NUP210L: variants seen among roughly 807,000 people sequenced by gnomAD.
The protein encoded by NUP210L is nucleoporin 210 like.
Under a neutral mutation model 208.5 loss-of-function variants are expected in NUP210L, and 74 were observed. The observed-to-expected ratio is 0.35, with a 90% CI of 0.29 to 0.43. NUP210L has a LOEUF of 0.43. Ranked by LOEUF, NUP210L falls within the 20% of genes least tolerant of loss-of-function variation. The pLI, the probability that NUP210L is intolerant of heterozygous loss-of-function variation, is 1.00. For synonymous variants in NUP210L, 780 were observed against 816.9 expected, an observed-to-expected ratio of 0.95 and a Z score of 0.77; for missense variants, 1,843 against 2,289.4, an observed-to-expected ratio of 0.81 and a Z score of 3.98.
chr1:153,998,026 G>C (rs1479357421), intron 37 of NUP210L, among the ~76,000 whole-genome samples: 1 of 151,960 alleles, frequency 6.6e-6, no homozygotes. Context: ...TAATTTTTAA[G>C]AGAAATATTT....
At chr1:154,111,965 T>C (rs12031080) in intron 12 of NUP210L, among the ~76,000 whole-genome samples, 39,202 of 151,362 alleles carry the variant, frequency 0.26, 5,758 homozygotes, top group Admixed American at 0.37. Context: ...TCTCACTCTG[T>C]TGCCCAGGCT....
At chr1:154,045,984 C>T (rs1653152771) in intron 27 of NUP210L, 85 bp downstream of exon 27, 6 of 1,333,308 alleles carry the variant, frequency 4.5e-6, no homozygotes, top group Admixed American at 5.1e-5. Flanking sequence ...GACCTCATCT[C>T]AAAACAAAAA....
chr1:153,993,279 G>GAA (rs1387115069), intron 38 of NUP210L, among the ~76,000 whole-genome samples, 190 bp from the exon 39 acceptor site: 1 of 152,136 alleles, frequency 6.6e-6, no homozygotes, highest in African/African-American at 2.4e-5. Flanking sequence ...CTGAAAGGGG[G>GAA]AAAATGGCCG....
At chr1:154,113,236 A>G (rs1391583229) in intron 12 of NUP210L, among the ~76,000 whole-genome samples, 1 of 148,878 alleles carries the variant, frequency 6.7e-6, no homozygotes, top group Non-Finnish European at 1.5e-5. Context: ...ATATTTACAT[A>G]CACATGAACA....
At chr1:154,012,728 G>A (rs73010778) in intron 33 of NUP210L, among the ~76,000 whole-genome samples, 7,530 of 151,184 alleles carry the variant, frequency 0.05, 628 homozygotes, top group African/African-American at 0.17. Flanking sequence ...GGGGTCAGCC[G>A]CGCGCGGTGG....
chr1:154,086,504 T>C (rs1011630912), intron 16 of NUP210L, among the ~76,000 whole-genome samples: 16 of 152,178 alleles, frequency 1.1e-4, no homozygotes, highest in African/African-American at 3.9e-4. Flanking sequence ...CTTTTGTGCT[T>C]CAAAAGATGT....
At chr1:154,087,320 CAA>C (rs1185085313) in intron 16 of NUP210L, among the ~76,000 whole-genome samples, 25 of 59,714 alleles carry the variant, frequency 4.2e-4, no homozygotes, top group East Asian at 1.8e-3. Flanking sequence ...AGCTCCATCT[CAA>C]AAAAAAAAAA....
At chr1:154,040,450 AAGG>A (rs1237416448) in intron 27 of NUP210L, among the ~76,000 whole-genome samples, 1 of 151,888 alleles carries the variant, frequency 6.6e-6, no homozygotes, top group African/African-American at 2.4e-5. Flanking sequence ...AGCAGAAGAG[AAGG>A]AGGAGGAGAA....
At chr1:154,124,046 G>A (rs573720011) in intron 10 of NUP210L, among the ~76,000 whole-genome samples, 69 of 151,500 alleles carry the variant, frequency 4.6e-4, no homozygotes, top group Admixed American at 2.2e-3. Context: ...AATTAGCCGG[G>A]CGTGGTGGCA....
chr1:154,100,560 C>T, intron 13 of NUP210L, among the ~76,000 whole-genome samples: 1 of 145,312 alleles, frequency 6.9e-6, no homozygotes, highest in Non-Finnish European at 1.5e-5. Flanking sequence ...CTCTTGTTGC[C>T]CAGGCTGGAG....
chr1:154,012,928 C>T (rs1475019238), intron 33 of NUP210L, among the ~76,000 whole-genome samples: 1 of 141,012 alleles, frequency 7.1e-6, no homozygotes, highest in Non-Finnish European at 1.5e-5. Flanking sequence ...ATCGCTTGAA[C>T]CTGGGAGGCA....
intron 10 of NUP210L, among the ~76,000 whole-genome samples, chr1:154,120,306 G>T (rs143911397): frequency 1.8e-3 from 270 of 152,142 alleles, no homozygotes; most frequent in African/African-American, 6.2e-3. Flanking sequence ...CATAAAAAAG[G>T]GTGAGTTCAT....
intron 10 of NUP210L, among the ~76,000 whole-genome samples, chr1:154,122,789 T>C (rs1170333124): frequency 6.6e-6 from 1 of 152,134 alleles, no homozygotes; most frequent in Admixed American, 6.6e-5. Flanking sequence ...CCAGGTGCAG[T>C]GGCTCACACC....
At chr1:154,146,634 A>G (rs1659130037) in intron 2 of NUP210L, among the ~76,000 whole-genome samples, 1 of 42,218 alleles carries the variant, frequency 2.4e-5, no homozygotes, top group Admixed American at 3.2e-4. Flanking sequence ...CCCCCACCAA[A>G]AAAAGAGCAT....
chr1:154,097,018 T>A (rs1451367883), intron 14 of NUP210L, among the ~76,000 whole-genome samples: 1 of 152,026 alleles, frequency 6.6e-6, no homozygotes, highest in Non-Finnish European at 1.5e-5. Flanking sequence ...GGGGTGGAGG[T>A]TGCCGAGATT....
chr1:154,132,360 T>G (rs1046541913), intron 7 of NUP210L, among the ~76,000 whole-genome samples: 5 of 152,202 alleles, frequency 3.3e-5, no homozygotes, highest in African/African-American at 1.2e-4. Context: ...ATCCTCAATC[T>G]TTCTCCTCCG....
At chr1:154,142,147 T>C (rs999727109) in intron 3 of NUP210L, among the ~76,000 whole-genome samples, 7 of 148,150 alleles carry the variant, frequency 4.7e-5, no homozygotes, top group Non-Finnish European at 8.9e-5. Context: ...ACAGACTCTG[T>C]ATCCAAAAAA....
At chr1:154,115,214 G>A (rs997146556) in intron 12 of NUP210L, among the ~76,000 whole-genome samples, 1 of 152,120 alleles carries the variant, frequency 6.6e-6, no homozygotes, top group South Asian at 2.1e-4. Flanking sequence ...TCAGAACAGA[G>A]ACCTTACCAT....
At chr1:154,021,484 ACT>A (rs1651559954) in intron 32 of NUP210L, among the ~76,000 whole-genome samples, 1 of 150,966 alleles carries the variant, frequency 6.6e-6, no homozygotes, top group Non-Finnish European at 1.5e-5. Flanking sequence ...ACAGAGTGAG[ACT>A]CTGTCTCTAA....
Sources: gnomAD v4.1 joint callset for allele counts (sites outside exome capture counted in the v4.1 genomes callset) on GRCh38, gnomAD v4.1.1 for gene constraint, MANE v1.5 for transcripts, NCBI Gene and HGNC (gene_info 2026-07-23, HGNC 2026-07-21) for gene names.